The following MPHOSPH8 variants were observed in gnomAD, a reference collection of about 807,000 sequenced individuals.
MPHOSPH8 encodes M-phase phosphoprotein, mpp.
In MPHOSPH8, 45 loss-of-function variants were observed where a neutral mutation model predicts 87.3. That is an observed-to-expected ratio of 0.52 (90% CI 0.41 to 0.66). The LOEUF (loss-of-function observed/expected upper bound fraction) is 0.66, where lower values mean the gene tolerates loss of function less well. Ranked by LOEUF, MPHOSPH8 falls within the 30% of genes least tolerant of loss-of-function variation. The pLI is 0.00. For synonymous variants in MPHOSPH8, 366 were observed against 376.9 expected, an observed-to-expected ratio of 0.97 and a Z score of 0.33; for missense variants, 883 against 1,020.2, an observed-to-expected ratio of 0.87 and a Z score of 1.83.
intron 5 of MPHOSPH8, among the ~76,000 whole-genome samples, chr13:19,650,710 G>C (rs1258267244): frequency 6.6e-6 from 1 of 152,148 alleles, no homozygotes; most frequent in Non-Finnish European, 1.5e-5. Context: ...CTACAGTAGT[G>C]GTGGGGAGGA....
intron 12 of MPHOSPH8, 130 bp from the exon 13 acceptor site, chr13:19,671,076 T>G (rs1454467096): frequency 4.8e-6 from 7 of 1,461,820 alleles, no homozygotes; most frequent in South Asian, 1.4e-5. Flanking sequence ...CGCCTTGGCC[T>G]CCTCCACAAC....
At chr13:19,641,788 G>A (rs1487321412) in intron 1 of MPHOSPH8, among the ~76,000 whole-genome samples, 2 of 151,694 alleles carry the variant, frequency 1.3e-5, no homozygotes, top group Non-Finnish European at 2.9e-5. Flanking sequence ...GAGCCACTGC[G>A]CCTGGCCCAT....
chr13:19,656,755 T>A (rs1875202286), intron 5 of MPHOSPH8, among the ~76,000 whole-genome samples: 1 of 150,100 alleles, frequency 6.7e-6, no homozygotes, highest in South Asian at 2.1e-4. Flanking sequence ...AGTGAGACTT[T>A]CTTTCAAAAA....
intron 4 of MPHOSPH8, 98 bp from the exon 5 acceptor site, chr13:19,649,905 A>G: frequency 9.1e-7 from 1 of 1,100,228 alleles, no homozygotes; most frequent in Admixed American, 2.9e-5. Context: ...AAAAATTAAG[A>G]AAATATCTTG....
At chr13:19,641,809 TTTTTAGTAGAGACAAGG>T (rs1312498419) in intron 1 of MPHOSPH8, among the ~76,000 whole-genome samples, 1 of 151,990 alleles carries the variant, frequency 6.6e-6, no homozygotes, top group Non-Finnish European at 1.5e-5. Context: ...AATTTTTGTA[TTTTTAGTAGAGACAAGG>T]TTTCACCATG....
chr13:19,638,018 A>G (rs950658313), intron 1 of MPHOSPH8, among the ~76,000 whole-genome samples: 4 of 150,856 alleles, frequency 2.7e-5, no homozygotes, highest in Admixed American at 1.3e-4. Flanking sequence ...GGAGAATGGC[A>G]TGAACCCGGG....
In MPHOSPH8 at chr13:19,670,228, A is replaced by G. The variant is rs1345914040; in HGVS notation, c.2330-8A>G. ...TTGAAGTAATTCACACACATCTCCC[A>G]TTTTCAGGCTCTGGCATCCTGCTGT... On this transcript the variant is annotated splice_polypyrimidine_tract_variant and splice_region_variant and intron_variant, in intron 11 of 13. Transcript: ENST00000361479. The G allele has an allele frequency of 6.2e-7, 1 of 1,613,800 alleles. No individual in the cohort carries two copies. Among genetic ancestry groups the G allele is most frequent in the South Asian group, 1.1e-5 (1 of 91,056 alleles).
rs1391769633 is a variant in MPHOSPH8, at chr13:19,642,039, A to C, written c.214-76A>C. The C allele has an allele frequency of 1.6e-5, 8 of 491,746 alleles. No individual in the cohort carries two copies. The South Asian group carries it at 3.0e-4, about 19-fold the overall frequency. The allele number at this position is 491,746 out of a possible 1,614,324, so 30.5% of individuals were successfully genotyped here. On this transcript the variant is annotated intron_variant, in intron 1 of 13. Coordinates refer to ENST00000361479, the MANE Select transcript of MPHOSPH8 (RefSeq NM_017520.4). Reference sequence around the variant, plus strand: ...TCAAGTTCTTTCATGTCTTCTCATCAGTTTTTTTTTTTTTTTTGGAAATTT... The same window carrying C: ...TCAAGTTCTTTCATGTCTTCTCATCCGTTTTTTTTTTTTTTTTGGAAATTT...
At chr13:19,652,694 G>A (rs902643525) in intron 5 of MPHOSPH8, among the ~76,000 whole-genome samples, 12 of 152,142 alleles carry the variant, frequency 7.9e-5, no homozygotes, top group South Asian at 2.1e-4. Context: ...TGAAATTCTC[G>A]CTGCCAGCAC....
intron 5 of MPHOSPH8, among the ~76,000 whole-genome samples, chr13:19,651,943 CAAAA>C (rs59967111): frequency 1.3e-5 from 2 of 150,072 alleles, no homozygotes; most frequent in East Asian, 2.0e-4. Flanking sequence ...ACTAAAAATA[CAAAA>C]AAAAATTCGC....
chr13:19,655,064 C>T (rs761922857), intron 5 of MPHOSPH8, among the ~76,000 whole-genome samples: 14 of 152,044 alleles, frequency 9.2e-5, no homozygotes, highest in Non-Finnish European at 1.8e-4. Context: ...CTCATGATCA[C>T]GTTGGGTTTT....
chr13:19,654,158 A>G lies in MPHOSPH8; in HGVS notation c.1576+3898A>G, dbSNP rs142477383. On this transcript the variant is annotated intron_variant, in intron 5 of 13. Coordinates refer to ENST00000361479, the MANE Select transcript of MPHOSPH8 (RefSeq NM_017520.4). ...AAAATGTTAAGGGCAGTCAGAGAGA[A>G]AAGTCGGGTTACCCACAAAGGGAAG... Among the ~76,000 whole-genome samples, 91 of 152,348 alleles carry G rather than the reference A, an allele frequency of 6.0e-4. No homozygotes were observed. The East Asian group carries it at 0.017, about 28-fold the overall frequency.
chr13:19,643,392 C>T (rs779900127), intron 2 of MPHOSPH8, among the ~76,000 whole-genome samples: 8 of 152,070 alleles, frequency 5.3e-5, no homozygotes, highest in Non-Finnish European at 1.0e-4. Context: ...ACTATAGATA[C>T]ACGCCACCAG....
intron 13 of MPHOSPH8, among the ~76,000 whole-genome samples, 169 bp from the exon 14 acceptor site, chr13:19,671,665 G>T (rs1474667946): frequency 6.6e-6 from 1 of 152,084 alleles, no homozygotes; most frequent in African/African-American, 2.4e-5. Flanking sequence ...ATAAGCACTT[G>T]GAATTATTTC....
intron 1 of MPHOSPH8, among the ~76,000 whole-genome samples, chr13:19,638,858 G>A (rs749582001): frequency 6.6e-6 from 1 of 151,366 alleles, no homozygotes; most frequent in African/African-American, 2.4e-5. Flanking sequence ...TGGTGCTAGC[G>A]GATCTCTTGA....
At chr13:19,664,847 G>A (rs1235784211) in intron 9 of MPHOSPH8, among the ~76,000 whole-genome samples, 1 of 152,144 alleles carries the variant, frequency 6.6e-6, no homozygotes, top group Non-Finnish European at 1.5e-5. Flanking sequence ...CAGGTTTGTT[G>A]CTGTCCAGCT....
intron 1 of MPHOSPH8, among the ~76,000 whole-genome samples, chr13:19,638,276 CTAT>C (rs1055882921): frequency 2.6e-5 from 4 of 151,908 alleles, no homozygotes. Flanking sequence ...GTACTCTTAA[CTAT>C]TATTTTAAAA....
chr13:19,660,658 T>C (rs1246955054), intron 7 of MPHOSPH8, among the ~76,000 whole-genome samples: 3 of 152,226 alleles, frequency 2.0e-5, no homozygotes, highest in Non-Finnish European at 4.4e-5. Context: ...TTCATTCATA[T>C]AGACGTTGCA....
Position 19,650,350 on chromosome 13 carries a change from C to A in MPHOSPH8, c.1576+90C>A, listed in dbSNP as rs529088391. On this transcript the variant is annotated intron_variant, in intron 5 of 13. Transcript: ENST00000361479. ...TCTCTGTATTTCTGATCTCAACGAT[C>A]AAAAAATAATGGAGTCGAAGAGTTT... is the stretch of plus-strand genomic sequence containing the variant. 5.3e-3 allele frequency: 7,489 copies of A among 1,400,438 alleles called. 22 individuals carry two copies. Among genetic ancestry groups the A allele is most frequent in the Non-Finnish European group, 6.5e-3 (6,758 of 1,034,992 alleles). 86.8% of individuals were successfully genotyped at this position (1,400,438 alleles called of 1,614,324 possible).
Sources: allele counts gnomAD v4.1 joint callset (sites outside exome capture counted in the v4.1 genomes callset), GRCh38; gene constraint gnomAD v4.1.1; transcripts MANE v1.5; gene names NCBI Gene and HGNC (gene_info 2026-07-23, HGNC 2026-07-21).